ADGRG5: variants seen among roughly 807,000 people sequenced by gnomAD.
The protein encoded by ADGRG5 is G protein-coupled receptor 114.
In ADGRG5, 37 loss-of-function variants were observed where a neutral mutation model predicts 53.2. That is an observed-to-expected ratio of 0.70 (90% confidence interval 0.53 to 0.91). The LOEUF is 0.91. Ranked by LOEUF, ADGRG5 falls within the 40% of genes least tolerant of loss-of-function variation. The probability of loss-of-function intolerance (pLI) is 0.00; values close to 1 mark genes in which losing one functional copy is unlikely to be tolerated. For missense variants in ADGRG5, 614 were observed against 675.8 expected (o/e 0.91, Z 1.01); for synonymous variants, 277 against 290.4 (o/e 0.95, Z 0.47).
At chr16:57,572,473 A>G (rs551349865) in intron 10 of ADGRG5, among the ~76,000 whole-genome samples, 33 of 152,204 alleles carry the variant, frequency 2.2e-4, no homozygotes, top group African/African-American at 7.7e-4. Context: ...TCTGACTCAA[A>G]CAAACAAACA....
the ADGRG5 span, among the ~76,000 whole-genome samples, chr16:57,536,795 G>A: frequency 6.6e-6 from 1 of 152,108 alleles, no homozygotes; most frequent in African/African-American, 2.4e-5. Flanking sequence ...GTACCCCAAC[G>A]GAGGCCCCAC....
intron 1 of ADGRG5, among the ~76,000 whole-genome samples, chr16:57,558,377 C>T (rs1178347800): frequency 2.6e-5 from 4 of 152,338 alleles, no homozygotes; most frequent in East Asian, 1.9e-4. Context: ...ACTTGAGTCC[C>T]ACAGGAATTT....
At chr16:57,531,867 A>G in the ADGRG5 span, among the ~76,000 whole-genome samples, 2 of 151,134 alleles carry the variant, frequency 1.3e-5, no homozygotes, top group South Asian at 2.1e-4. Context: ...CTTACCTTCA[A>G]CTATGGAGCC....
rs751495727 is a variant in ADGRG5 at position 57,575,549 on chromosome 16, C to T, written c.*11C>T. 2 of 1,602,888 alleles carry T rather than the reference C, an allele frequency of 1.2e-6. No homozygotes were observed. Among genetic ancestry groups the T allele is most frequent in the South Asian group, 2.2e-5 (2 of 90,874 alleles). ...CAAACAACACAGTAGTCCGGGCCTC[C>T]TGGCCTGGAATCCTCAGCCTCTCTG... On this transcript the variant is annotated 3_prime_UTR_variant, in exon 12 of 12. Coordinates refer to ENST00000349457, the MANE Select transcript of ADGRG5 (RefSeq NM_001304376.3).
rs1339414732 is a variant in ADGRG5, at chr16:57,574,750, G to A, written c.1209-65G>A. The A allele has an allele frequency of 6.1e-6, 9 of 1,485,518 alleles. No individual in the cohort carries two copies. Among genetic ancestry groups the A allele is most frequent in the Non-Finnish European group, 7.2e-6 (8 of 1,113,088 alleles). The allele number at this position is 1,485,518 out of a possible 1,614,324, so 92.0% of individuals were successfully genotyped here. On this transcript the variant is annotated intron_variant, in intron 10 of 11. Coordinates refer to ENST00000349457, the MANE Select transcript of ADGRG5 (RefSeq NM_001304376.3). This position sits in a 1 kb window ranked among gnomAD's most constrained non-coding sequence, Gnocchi z 4.4. ...AGGAGACCGAGTGGGGCTTCAGGGA[G>A]TGATGCTGGCCTCCCCGCGGGCCTG...
In ADGRG5 at chr16:57,575,497, G is replaced by C. The variant is rs749356554; in HGVS notation, c.1546G>C (p.Ala516Pro). ...QRCRSEAEAK[A>P]QIEAFSSSQT... Reference sequence around the variant, plus strand: ...GTGCCGCTCAGAAGCAGAGGCCAAGGCACAGATAGAGGCCTTCAGCTCCTC... The same window carrying C: ...GTGCCGCTCAGAAGCAGAGGCCAAGCCACAGATAGAGGCCTTCAGCTCCTC... Residue 516 changes from alanine (A) to proline (P), a missense_variant, in exon 12 of 12, where the codon GCA becomes CCA. Coordinates refer to ENST00000349457, the MANE Select transcript of ADGRG5 (RefSeq NM_001304376.3). 2 of 1,614,188 alleles carry C rather than the reference G, an allele frequency of 1.2e-6. No homozygotes were observed. Among genetic ancestry groups the C allele is most frequent in the South Asian group, 2.2e-5 (2 of 91,082 alleles).
intron 1 of ADGRG5, among the ~76,000 whole-genome samples, chr16:57,548,506 A>G (rs1158726664): frequency 1.3e-5 from 2 of 152,134 alleles, no homozygotes; most frequent in Non-Finnish European, 2.9e-5. Context: ...ATTTTATGAC[A>G]TGATAAAATA....
At chr16:57,540,030 G>A (rs146066235), upstream of ADGRG5, among the ~76,000 whole-genome samples, 2 of 152,078 alleles carry the variant, frequency 1.3e-5, no homozygotes, top group African/African-American at 4.8e-5. Flanking sequence ...CACTTGACTT[G>A]TCAAGAGATC....
At chr16:57,543,499 T>TCTCG (rs1362723446) in intron 1 of ADGRG5, among the ~76,000 whole-genome samples, 1 of 152,042 alleles carries the variant, frequency 6.6e-6, no homozygotes, top group Non-Finnish European at 1.5e-5. Context: ...GTCAGGCTGG[T>TCTCG]CTCGGACTCC....
chr16:57,556,400 T>A (rs2032884180), intron 1 of ADGRG5, among the ~76,000 whole-genome samples: 2 of 152,232 alleles, frequency 1.3e-5, no homozygotes, highest in Non-Finnish European at 2.9e-5. Context: ...TCTTGTCCTG[T>A]CTTATTTTGG....
At chr16:57,561,835 T>G (rs1218865118) in intron 1 of ADGRG5, among the ~76,000 whole-genome samples, 1 of 152,172 alleles carries the variant, frequency 6.6e-6, no homozygotes, top group Non-Finnish European at 1.5e-5. Flanking sequence ...ATGGCAGCCA[T>G]TACTTGGTGG....
chr16:57,537,508 A>G, the ADGRG5 span, among the ~76,000 whole-genome samples: 1 of 152,234 alleles, frequency 6.6e-6, no homozygotes, highest in Admixed American at 6.5e-5. Context: ...AGATGTTAAC[A>G]CTGGAAGTCT....
At chr16:57,555,446 T>C (rs1421973501) in intron 1 of ADGRG5, among the ~76,000 whole-genome samples, 1 of 152,216 alleles carries the variant, frequency 6.6e-6, no homozygotes, top group Non-Finnish European at 1.5e-5. Context: ...TCCTCCATGA[T>C]TATATACCCA....
At chr16:57,560,156 G>A (rs1201521450) in intron 1 of ADGRG5, among the ~76,000 whole-genome samples, 2 of 152,128 alleles carry the variant, frequency 1.3e-5, no homozygotes, top group African/African-American at 4.8e-5. Flanking sequence ...GATGGGAAAT[G>A]CCCTAGTCCT....
chr16:57,552,333 A>G (rs772251073), intron 1 of ADGRG5, among the ~76,000 whole-genome samples: 5 of 152,134 alleles, frequency 3.3e-5, no homozygotes, highest in Non-Finnish European at 5.9e-5. Context: ...CGCTTCCAAT[A>G]TGAGGCTCTT....
chr16:57,533,113 G>T, the ADGRG5 span, among the ~76,000 whole-genome samples: 1 of 152,300 alleles, frequency 6.6e-6, no homozygotes, highest in East Asian at 1.9e-4. Context: ...CATGCTAAAG[G>T]CAGAGATGGG....
At chr16:57,548,142 A>G (rs1414300781) in intron 1 of ADGRG5, among the ~76,000 whole-genome samples, 3 of 150,982 alleles carry the variant, frequency 2.0e-5, no homozygotes, top group African/African-American at 7.3e-5. Flanking sequence ...GTTTAGGATT[A>G]CAGGTGCAAA....
chr16:57,570,638 G>C (rs1300005638), intron 10 of ADGRG5, 103 bp downstream of exon 10: 1 of 819,710 alleles, frequency 1.2e-6, no homozygotes, highest in Non-Finnish European at 2.0e-6. Context: ...CACTGGCTGT[G>C]GGGCAGAGAG....
the ADGRG5 span, among the ~76,000 whole-genome samples, chr16:57,534,577 G>GT: frequency 6.6e-6 from 1 of 152,138 alleles, no homozygotes; most frequent in African/African-American, 2.4e-5. Flanking sequence ...AGGCACCTCC[G>GT]TGTTCTACAG....
Sources: gnomAD v4.1 joint callset for allele counts (sites outside exome capture counted in the v4.1 genomes callset) on GRCh38, gnomAD v4.1.1 for gene constraint, Gnocchi (gnomAD v3.1) non-coding constraint, MANE v1.5 for transcripts, NCBI Gene and HGNC (gene_info 2026-07-23, HGNC 2026-07-21) for gene names.